Variants in NR3C2 observed in about 807,000 individuals in gnomAD.
NR3C2 encodes the protein mineralocorticoid receptor.
Under a neutral mutation model 86.4 loss-of-function variants are expected in NR3C2, and 15 were observed. The ratio of observed to expected loss-of-function variants is 0.17; its 90% CI spans 0.12 to 0.27. The LOEUF is 0.27. Among genes scored for constraint, NR3C2 ranks in the 10% least tolerant of loss-of-function variants. NR3C2 has a pLI of 1.00. For synonymous variants in NR3C2, 458 were observed against 450.5 expected, an observed-to-expected ratio of 1.02 and a Z score of -0.21; for missense variants, 960 against 1,195.6, an observed-to-expected ratio of 0.80 and a Z score of 2.91.
rs373499593 is a variant in NR3C2 at position 148,188,908 on chromosome 4, T to A, written c.2014+5838A>T. On this transcript the variant is annotated intron_variant, in intron 4 of 8. Coordinates refer to ENST00000358102, the MANE Select transcript of NR3C2 (RefSeq NM_000901.5). ...TTTTATTACATTAAGGTATATACCT[T>A]GTATGCCGATTTTGCTGAGTTTTTT... Among the ~76,000 whole-genome samples, 7 of 151,720 alleles carry A rather than the reference T, an allele frequency of 4.6e-5. No individual in the cohort carries two copies. In the East Asian group the frequency reaches 1.4e-3, roughly 29 times the overall value.
intron 2 of NR3C2, among the ~76,000 whole-genome samples, chr4:148,413,949 A>G (rs542804742): frequency 1.1e-4 from 16 of 152,322 alleles, no homozygotes; most frequent in Middle Eastern, 3.4e-3. Context: ...TTCTACTTCT[A>G]ATTATATATC....
chr4:148,185,812 C>T (rs937508486), intron 4 of NR3C2, among the ~76,000 whole-genome samples: 4 of 152,114 alleles, frequency 2.6e-5, no homozygotes, highest in African/African-American at 9.7e-5. Flanking sequence ...TTAGTATATA[C>T]AGAGTTCCCT....
intron 2 of NR3C2, among the ~76,000 whole-genome samples, chr4:148,417,415 C>A (rs1749066407): frequency 6.6e-6 from 1 of 152,098 alleles, no homozygotes; most frequent in African/African-American, 2.4e-5. Flanking sequence ...AATTGAGGTT[C>A]TCTTTAAACC....
chr4:148,151,736 A>G (rs1734111664), intron 6 of NR3C2, among the ~76,000 whole-genome samples: 1 of 152,208 alleles, frequency 6.6e-6, no homozygotes, highest in Non-Finnish European at 1.5e-5. Context: ...ATCTGTCAGA[A>G]TATGGCTGTA....
At chr4:148,332,407 A>C (rs796406979) in intron 2 of NR3C2, among the ~76,000 whole-genome samples, 22 of 146,212 alleles carry the variant, frequency 1.5e-4, no homozygotes, top group Admixed American at 7.5e-4. Context: ...TTTGATGTAC[A>C]ATCGACTGGG....
chr4:148,381,782 T>A (rs1036273172), intron 2 of NR3C2, among the ~76,000 whole-genome samples: 1 of 152,218 alleles, frequency 6.6e-6, no homozygotes, highest in African/African-American at 2.4e-5. Flanking sequence ...CCATAGTTTT[T>A]CCACTGAAAG....
At chr4:148,443,941 C>A (rs1579306620), upstream of NR3C2, 2 of 959,740 alleles carry the variant, frequency 2.1e-6, no homozygotes, top group East Asian at 2.3e-4. Flanking sequence ...GCGGCAGCGC[C>A]GCGAGCTGGT....
chr4:148,234,914 G>A (rs951885772), intron 3 of NR3C2, among the ~76,000 whole-genome samples: 8 of 152,096 alleles, frequency 5.3e-5, no homozygotes, highest in Non-Finnish European at 4.4e-5. Context: ...TATTTTGGGT[G>A]ATGCGTTTAA....
intron 2 of NR3C2, among the ~76,000 whole-genome samples, chr4:148,317,975 C>T (rs1743299946): frequency 6.6e-6 from 1 of 150,722 alleles, no homozygotes. Context: ...GCTGCACCCA[C>T]TAACTCGTCA....
intron 8 of NR3C2, among the ~76,000 whole-genome samples, chr4:148,094,471 T>G (rs1004767465): frequency 2.6e-5 from 4 of 152,150 alleles, no homozygotes; most frequent in African/African-American, 9.7e-5. Flanking sequence ...CCTAGCACTT[T>G]GGGAGGCTGA....
chr4:148,383,952 GAAAAA>G (rs60506239), intron 2 of NR3C2, among the ~76,000 whole-genome samples: 2 of 120,200 alleles, frequency 1.7e-5, no homozygotes, highest in Non-Finnish European at 3.4e-5. Flanking sequence ...TGTCTCAGGG[GAAAAA>G]AAAAAAAAAA....
At chr4:148,246,351 T>C (rs1374445201) in intron 3 of NR3C2, among the ~76,000 whole-genome samples, 3 of 152,210 alleles carry the variant, frequency 2.0e-5, no homozygotes, top group African/African-American at 7.2e-5. Flanking sequence ...GTGAAAATGT[T>C]TGCTAATTTT....
intron 2 of NR3C2, among the ~76,000 whole-genome samples, chr4:148,330,870 C>A (rs1366451244): frequency 6.6e-6 from 1 of 152,138 alleles, no homozygotes; most frequent in Admixed American, 6.6e-5. Context: ...GTTTAAAAGT[C>A]TGGGTCCTTC....
At chr4:148,183,458 T>C (rs1735738457) in intron 4 of NR3C2, among the ~76,000 whole-genome samples, 1 of 152,234 alleles carries the variant, frequency 6.6e-6, no homozygotes, top group East Asian at 1.9e-4. Context: ...AGCATTCCTA[T>C]TTCTCCGCAT....
At chr4:148,314,411 C>T (rs1055288005) in intron 2 of NR3C2, among the ~76,000 whole-genome samples, 3 of 152,076 alleles carry the variant, frequency 2.0e-5, no homozygotes, top group Non-Finnish European at 2.9e-5. Flanking sequence ...TATCAGTCAT[C>T]GGAAAGGTGC....
intron 4 of NR3C2, among the ~76,000 whole-genome samples, chr4:148,174,332 C>T (rs1280264265): frequency 6.6e-6 from 1 of 152,112 alleles, no homozygotes; most frequent in Admixed American, 6.5e-5. Context: ...CCATAAAACA[C>T]CTGGAAAACC....
intron 4 of NR3C2, among the ~76,000 whole-genome samples, chr4:148,180,997 T>G (rs1484414724): frequency 6.6e-6 from 1 of 152,176 alleles, no homozygotes; most frequent in Non-Finnish European, 1.5e-5. Context: ...TCCTGCTTCC[T>G]GTGTCTTAGA....
At chr4:148,269,279 A>T in intron 2 of NR3C2, among the ~76,000 whole-genome samples, 1 of 152,212 alleles carries the variant, frequency 6.6e-6, no homozygotes, top group Non-Finnish European at 1.5e-5. Context: ...GACTGTGTGT[A>T]GTGTCAACTG....
At chr4:148,422,138 GA>G (rs746556908) in intron 2 of NR3C2, among the ~76,000 whole-genome samples, 3 of 151,862 alleles carry the variant, frequency 2.0e-5, no homozygotes, top group Non-Finnish European at 2.9e-5. Context: ...TTAAGAGGGG[GA>G]AAAATGCTAT....
Sources: allele counts gnomAD v4.1 joint callset (sites outside exome capture counted in the v4.1 genomes callset), GRCh38; gene constraint gnomAD v4.1.1; transcripts MANE v1.5; gene names NCBI Gene and HGNC (gene_info 2026-07-23, HGNC 2026-07-21).